The following SFMBT1 variants were observed in gnomAD, a reference collection of about 807,000 sequenced individuals.
The protein encoded by SFMBT1 is Scm like with four mbt domains 1, also known as scm-like with four MBT domains protein 1.
In SFMBT1, 32 loss-of-function variants were observed where a neutral mutation model predicts 108.7. The ratio of observed to expected loss-of-function variants is 0.29; its 90% CI spans 0.22 to 0.40. SFMBT1 has a LOEUF of 0.40. Ranked by LOEUF, SFMBT1 falls within the 10% of genes least tolerant of loss-of-function variation. The pLI, the probability that SFMBT1 is intolerant of heterozygous loss-of-function variation, is 1.00. For missense variants in SFMBT1, 816 were observed against 1,059.6 expected (o/e 0.77, Z 3.19); for synonymous variants, 348 against 369.5 (o/e 0.94, Z 0.67).
chr3:52,945,115 T>A (rs922217549), intron 3 of SFMBT1, among the ~76,000 whole-genome samples: 1 of 51,348 alleles, frequency 1.9e-5, no homozygotes, highest in African/African-American at 5.7e-5. Flanking sequence ...AAATTTTGAT[T>A]TCCAAATACC....
At chr3:52,906,964 A>G (rs1702078896) in intron 19 of SFMBT1, 105 bp downstream of exon 19, 8 of 1,380,042 alleles carry the variant, frequency 5.8e-6, no homozygotes, top group African/African-American at 2.9e-5. Context: ...ATTCTACATA[A>G]GTCTGTATTG....
intron 2 of SFMBT1, among the ~76,000 whole-genome samples, chr3:52,958,460 G>A (rs929802426): frequency 6.6e-6 from 1 of 152,108 alleles, no homozygotes; most frequent in African/African-American, 2.4e-5. Flanking sequence ...GCGTGGTGGC[G>A]TGTGCCTGTA....
rs1702878096 is a variant in SFMBT1 at position 52,932,130 on chromosome 3, T to C, written c.632A>G (p.Tyr211Cys). 3 of 1,614,028 alleles carry C rather than the reference T, an allele frequency of 1.9e-6. No individual in the cohort carries two copies. The highest frequency in any genetic ancestry group is 1.3e-5 in the African/African-American group (1 of 74,936). Residue 211 changes from tyrosine (Y) to cysteine (C), a missense_variant, in exon 6 of 21, where the codon TAC becomes TGC. Around this residue, in one of 5 missense-constraint regions of SFMBT1, gnomAD observed 495 missense variants for 607.4 expected, o/e 0.81. Transcript: ENST00000394752. ...SSDNYEHWLY[Y>C]LDPFLHHVGW... ...AACGTGATGAAGAAATGGATCCAAGTAATACAACCAATGTTCATAATTGTC... is the reference window on the plus strand; with the variant it reads ...AACGTGATGAAGAAATGGATCCAAGCAATACAACCAATGTTCATAATTGTC...
At chr3:52,949,190 A>G (rs1170499195) in intron 3 of SFMBT1, among the ~76,000 whole-genome samples, 3 of 152,144 alleles carry the variant, frequency 2.0e-5, no homozygotes, top group South Asian at 2.1e-4. Flanking sequence ...TGTATGATTT[A>G]TATTATTTTA....
Position 52,920,662 on chromosome 3 carries a change from T to TAAAC in SFMBT1, c.1259-16_1259-13dup, listed in dbSNP as rs143128850. ...AGGCTTCTTAGAACCTGTTTAGATT[T>TAAAC]AAACAAACAAACAAACAAACAAACA... On this transcript the variant is annotated splice_polypyrimidine_tract_variant and intron_variant, in intron 11 of 20. Transcript: ENST00000394752. 7,382 of 1,490,264 alleles carry TAAAC rather than the reference T, an allele frequency of 5.0e-3. 81 individuals carry two copies. The highest frequency in any genetic ancestry group is 0.022 in the South Asian group (1,847 of 85,740). 92.3% of individuals were successfully genotyped at this position (1,490,264 alleles called of 1,614,324 possible). A position where few individuals can be genotyped will look rare whatever the true frequency, so the allele number is the denominator to read the frequency against.
chr3:53,014,248 T>C (rs766835530), intron 1 of SFMBT1, among the ~76,000 whole-genome samples: 4 of 152,202 alleles, frequency 2.6e-5, no homozygotes, highest in Non-Finnish European at 5.9e-5. Context: ...CTATCATTTC[T>C]TCTTAGGCAT....
intron 4 of SFMBT1, among the ~76,000 whole-genome samples, chr3:52,942,998 A>G (rs956728751): frequency 1.1e-4 from 16 of 152,116 alleles, no homozygotes; most frequent in Non-Finnish European, 2.1e-4. Flanking sequence ...GTATGAGGAG[A>G]GAGGACAATA....
At chr3:52,986,145 GA>G (rs34923532) in intron 1 of SFMBT1, among the ~76,000 whole-genome samples, 75,094 of 129,980 alleles carry the variant, frequency 0.58, 21,860 homozygotes, top group South Asian at 0.79. Flanking sequence ...TCCGTCTCAG[GA>G]AAAAAAAAAA....
At position 52,916,190 on chromosome 3, in the gene SFMBT1, G is replaced by C. The variant is rs151052292; in HGVS notation, c.1440C>G (p.His480Gln). ...EKQVPSSRTV[H>Q]EGLRNQELNS... ...TCAGCTCCTGATTCCTCAGGCCCTC[G>C]TGGACAGTCCTCGAGGATGGTACTC... is the stretch of plus-strand genomic sequence containing the variant. Residue 480 changes from histidine to glutamine, a missense_variant, in exon 14 of 21, where the codon CAC becomes CAG. Coordinates refer to ENST00000394752, the MANE Select transcript of SFMBT1 (RefSeq NM_016329.4). 2 of 1,613,766 alleles carry C rather than the reference G, an allele frequency of 1.2e-6. No homozygotes were observed. The highest frequency in any genetic ancestry group is 3.3e-5 in the Admixed American group (2 of 59,990).
intron 1 of SFMBT1, among the ~76,000 whole-genome samples, chr3:52,984,726 C>CTGTGTGTGTGTGTG (rs57308874): frequency 7.3e-4 from 102 of 140,242 alleles, no homozygotes; most frequent in African/African-American, 1.3e-3. Context: ...ATACTAAATA[C>CTGTGTGTGTGTGTG]TGTGTGTGTG....
chr3:53,005,174 G>A (rs191412717), intron 1 of SFMBT1, among the ~76,000 whole-genome samples: 196 of 152,266 alleles, frequency 1.3e-3, no homozygotes, highest in African/African-American at 4.6e-3. Flanking sequence ...CATACAGTCC[G>A]TACACTTTGA....
At chr3:52,938,735 T>C (rs1208008634) in intron 4 of SFMBT1, among the ~76,000 whole-genome samples, 1 of 152,188 alleles carries the variant, frequency 6.6e-6, no homozygotes, top group Non-Finnish European at 1.5e-5. Flanking sequence ...AACTACATTT[T>C]CAGAGCATAC....
At chr3:52,939,323 C>A (rs993851727) in intron 4 of SFMBT1, among the ~76,000 whole-genome samples, 1 of 152,182 alleles carries the variant, frequency 6.6e-6, no homozygotes, top group Non-Finnish European at 1.5e-5. Context: ...CCTGCAATCC[C>A]AGCACTTTAG....
At chr3:53,036,414 A>G (rs866494540) in intron 1 of SFMBT1, among the ~76,000 whole-genome samples, 14 of 152,264 alleles carry the variant, frequency 9.2e-5, no homozygotes, top group South Asian at 2.1e-4. Flanking sequence ...TTCTAACTCC[A>G]AGGCTGGCAA....
chr3:52,952,230 C>T (rs113472223), intron 3 of SFMBT1, among the ~76,000 whole-genome samples: 4,602 of 152,118 alleles, frequency 0.03, 273 homozygotes, highest in African/African-American at 0.1. Context: ...TGATGGCGGG[C>T]GCCTGCAGTC....
intron 1 of SFMBT1, among the ~76,000 whole-genome samples, chr3:53,044,576 C>A (rs1187688777): frequency 6.6e-6 from 1 of 152,174 alleles, no homozygotes; most frequent in Non-Finnish European, 1.5e-5. Context: ...CATCCTCTCG[C>A]CAGTTGACAA....
Position 52,906,257 on chromosome 3 carries a change from C to T in SFMBT1, c.2332-16G>A, listed in dbSNP as rs372810642. ...TCCTTATTTCCTTCATTCCCCACAA[C>T]ACAATCAAACCAAATGGTGTTACGG... On this transcript the variant is annotated splice_polypyrimidine_tract_variant and intron_variant, in intron 19 of 20. Coordinates refer to ENST00000394752, the MANE Select transcript of SFMBT1 (RefSeq NM_016329.4). 4.3e-6 allele frequency: 7 copies of T among 1,613,916 alleles called. No individual in the cohort carries two copies. Among genetic ancestry groups the T allele is most frequent in the Non-Finnish European group, 5.9e-6 (7 of 1,179,852 alleles).
At chr3:52,953,951 C>T (rs1242758676) in intron 3 of SFMBT1, among the ~76,000 whole-genome samples, 1 of 151,726 alleles carries the variant, frequency 6.6e-6, no homozygotes, top group East Asian at 1.9e-4. Flanking sequence ...ATGGTGAAAC[C>T]CCATCTCTAC....
intron 1 of SFMBT1, among the ~76,000 whole-genome samples, chr3:53,026,427 C>T (rs1186068326): frequency 2.6e-5 from 4 of 152,168 alleles, no homozygotes; most frequent in African/African-American, 9.7e-5. Context: ...CAGCAAACGA[C>T]TCACACGTAG....
Sources: gnomAD v4.1 joint callset for allele counts (sites outside exome capture counted in the v4.1 genomes callset) on GRCh38, gnomAD v4.1.1 for gene constraint, gnomAD v4.1.1 regional missense constraint, MANE v1.5 for transcripts, NCBI Gene and HGNC (gene_info 2026-07-23, HGNC 2026-07-21) for gene names.